Variants in SLC24A2 observed in about 807,000 individuals in gnomAD.
The protein encoded by SLC24A2 is solute carrier family 24 member 2.
In SLC24A2, 36 loss-of-function variants were observed where a neutral mutation model predicts 62.0. That is an observed-to-expected ratio of 0.58 (90% CI 0.44 to 0.77). The LOEUF is 0.77. Ranked by LOEUF, SLC24A2 falls within the 30% of genes least tolerant of loss-of-function variation. SLC24A2 has a pLI of 0.00. For synonymous variants in SLC24A2, 358 were observed against 294.0 expected (o/e 1.22, Z -2.23); for missense variants, 846 against 817.9 (o/e 1.03, Z -0.42).
chr9:20,147,210 G>C, the SLC24A2 span, among the ~76,000 whole-genome samples: 1 of 152,214 alleles, frequency 6.6e-6, no homozygotes, highest in South Asian at 2.1e-4. Flanking sequence ...GTATTGCCTG[G>C]AGAAAGGTTA....
the SLC24A2 span, among the ~76,000 whole-genome samples, chr9:19,945,618 T>C: frequency 1.3e-5 from 2 of 152,172 alleles, no homozygotes; most frequent in African/African-American, 4.8e-5. Flanking sequence ...TACCTTACTA[T>C]ATCATCACAT....
chr9:19,668,157 G>C (rs1459579581), intron 2 of SLC24A2, among the ~76,000 whole-genome samples: 1 of 152,106 alleles, frequency 6.6e-6, no homozygotes. Context: ...TATGATCTCA[G>C]TTGTTCATTG....
At chr9:19,627,217 G>A (rs1818056425) in intron 2 of SLC24A2, among the ~76,000 whole-genome samples, 1 of 152,124 alleles carries the variant, frequency 6.6e-6, no homozygotes, top group South Asian at 2.1e-4. Flanking sequence ...GGACAGAAGG[G>A]GTAGAAATGA....
At chr9:19,555,903 C>T (rs1835065790) in intron 7 of SLC24A2, among the ~76,000 whole-genome samples, 1 of 152,198 alleles carries the variant, frequency 6.6e-6, no homozygotes. Context: ...TGAGATCTTG[C>T]CACTGCACTC....
At chr9:19,961,028 G>GTGTT in the SLC24A2 span, among the ~76,000 whole-genome samples, 1 of 144,882 alleles carries the variant, frequency 6.9e-6, no homozygotes, top group African/African-American at 2.7e-5. Context: ...GGGTGGGTGT[G>GTGTT]TGTGTGTGTG....
At chr9:20,098,074 G>A in the SLC24A2 span, among the ~76,000 whole-genome samples, 2 of 152,064 alleles carry the variant, frequency 1.3e-5, no homozygotes, top group South Asian at 2.1e-4. Context: ...GATGGTACCA[G>A]GTATAAAGTA....
chr9:19,770,139 G>T (rs1055986012), intron 2 of SLC24A2, among the ~76,000 whole-genome samples: 1 of 151,576 alleles, frequency 6.6e-6, no homozygotes, highest in Non-Finnish European at 1.5e-5. Context: ...CCTGATTTCT[G>T]TATATGACCA....
the SLC24A2 span, among the ~76,000 whole-genome samples, chr9:19,837,399 C>T: frequency 7.6e-6 from 1 of 131,114 alleles, no homozygotes; most frequent in Admixed American, 9.2e-5. Flanking sequence ...TTGCAGTGAG[C>T]CGAGATTGCG....
At chr9:20,029,388 G>A in the SLC24A2 span, among the ~76,000 whole-genome samples, 1 of 152,222 alleles carries the variant, frequency 6.6e-6, no homozygotes, top group Non-Finnish European at 1.5e-5. Context: ...CATGGGCAAG[G>A]TGAATTGCTT....
the SLC24A2 span, among the ~76,000 whole-genome samples, chr9:20,157,381 T>C: frequency 6.6e-6 from 1 of 151,714 alleles, no homozygotes; most frequent in Non-Finnish European, 1.5e-5. Context: ...TGGCACTATA[T>C]TCTCAGAGAG....
chr9:19,550,696 TTC>T (rs1477077413), intron 7 of SLC24A2, among the ~76,000 whole-genome samples: 11 of 107,762 alleles, frequency 1.0e-4, no homozygotes, highest in Non-Finnish European at 1.9e-4. Context: ...TAAAAAATAT[TTC>T]TTTTTCTCTT....
intron 5 of SLC24A2, among the ~76,000 whole-genome samples, chr9:19,585,006 T>C (rs1245516760): frequency 2.6e-5 from 4 of 152,176 alleles, no homozygotes; most frequent in Non-Finnish European, 5.9e-5. Context: ...ACAGACACAA[T>C]CATAGGAGTA....
At chr9:19,753,001 G>A (rs767451294) in intron 2 of SLC24A2, among the ~76,000 whole-genome samples, 1 of 152,142 alleles carries the variant, frequency 6.6e-6, no homozygotes, top group Non-Finnish European at 1.5e-5. Flanking sequence ...AAAATGCAAG[G>A]GCCAGAATCT....
chr9:20,248,301 G>T, the SLC24A2 span, among the ~76,000 whole-genome samples: 17 of 152,162 alleles, frequency 1.1e-4, no homozygotes, highest in African/African-American at 3.9e-4. Context: ...GCCCTAACAG[G>T]TACTAAAGAA....
the SLC24A2 span, among the ~76,000 whole-genome samples, chr9:20,247,739 C>G: frequency 6.6e-6 from 1 of 152,168 alleles, no homozygotes; most frequent in Non-Finnish European, 1.5e-5. Context: ...CAACTGTTTT[C>G]CAGAGTTGGA....
In SLC24A2 at chr9:19,782,300, T is replaced by G. The variant is rs1028064044; in HGVS notation, c.930+3637A>C. Among the ~76,000 whole-genome samples, 4 of 152,178 alleles carry G rather than the reference T, an allele frequency of 2.6e-5. No individual in the cohort carries two copies. In the East Asian group the frequency reaches 7.7e-4, roughly 29 times the overall value. On this transcript the variant is annotated intron_variant, in intron 2 of 10. Coordinates refer to ENST00000341998, the MANE Select transcript of SLC24A2 (RefSeq NM_020344.4). ...ATCCTGCAGGATTCAAACTTATTCC[T>G]AACCAGCTATACAGACATTTTAAGA...
chr9:19,803,115 C>T, the SLC24A2 span, among the ~76,000 whole-genome samples: 1 of 152,070 alleles, frequency 6.6e-6, no homozygotes, highest in Non-Finnish European at 1.5e-5. Flanking sequence ...TATAAGCCAC[C>T]CCATTTATGG....
chr9:20,118,303 A>T, the SLC24A2 span, among the ~76,000 whole-genome samples: 1 of 152,160 alleles, frequency 6.6e-6, no homozygotes, highest in Non-Finnish European at 1.5e-5. Flanking sequence ...AACCCAGATC[A>T]ATCAGTCATT....
intron 7 of SLC24A2, 25 bp from the exon 8 acceptor site, chr9:19,550,293 T>G: frequency 6.2e-7 from 1 of 1,612,854 alleles, no homozygotes; most frequent in Non-Finnish European, 8.5e-7. Context: ...GAGGTAAAAT[T>G]AAACAAACAA....
Sources: allele counts gnomAD v4.1 joint callset (sites outside exome capture counted in the v4.1 genomes callset), GRCh38; gene constraint gnomAD v4.1.1; transcripts MANE v1.5; gene names NCBI Gene and HGNC (gene_info 2026-07-23, HGNC 2026-07-21).